The following YPEL2 variants were observed in gnomAD, a reference collection of about 807,000 sequenced individuals.
The protein encoded by YPEL2 is protein yippee-like 2.
A neutral mutation model predicts 19.1 loss-of-function variants in YPEL2; 2 were observed. The observed-to-expected ratio is 0.10, with a 90% CI of 0.04 to 0.33. The LOEUF (loss-of-function observed/expected upper bound fraction) is 0.33, where lower values mean the gene tolerates loss of function less well. Among genes scored for constraint, YPEL2 ranks in the 10% least tolerant of loss-of-function variants. YPEL2 has a pLI of 1.00. For synonymous variants in YPEL2, 52 were observed against 50.0 expected (o/e 1.04, Z -0.17); for missense variants, 66 against 140.7 (o/e 0.47, Z 2.68).
chr17:59,384,341 T>G (rs1331209694), intron 2 of YPEL2, among the ~76,000 whole-genome samples: 1 of 152,240 alleles, frequency 6.6e-6, no homozygotes. Context: ...ACAAGTTGTC[T>G]CTGTAGCATA....
chr17:59,392,299 A>G (rs192810041), intron 4 of YPEL2, among the ~76,000 whole-genome samples: 3 of 152,302 alleles, frequency 2.0e-5, no homozygotes, highest in Admixed American at 2.0e-4. Context: ...AAGGTTTATC[A>G]AAAGCCTTTG....
intron 1 of YPEL2, among the ~76,000 whole-genome samples, chr17:59,335,998 C>T (rs1421091349): frequency 1.3e-5 from 2 of 152,112 alleles, no homozygotes; most frequent in Non-Finnish European, 1.5e-5. Context: ...ACTTTAATAC[C>T]GTCTGGAAAT....
chr17:59,377,927 A>G (rs1263578484), intron 2 of YPEL2, among the ~76,000 whole-genome samples: 1 of 152,198 alleles, frequency 6.6e-6, no homozygotes, highest in Non-Finnish European at 1.5e-5. Flanking sequence ...CACATTTGGT[A>G]CTTACTATAC....
intron 2 of YPEL2, among the ~76,000 whole-genome samples, chr17:59,369,498 ACACT>A (rs1278301098): frequency 2.0e-5 from 3 of 152,128 alleles, no homozygotes; most frequent in Non-Finnish European, 2.9e-5. Flanking sequence ...ATTTAAGGAG[ACACT>A]CACTCTCAGA....
At chr17:59,377,355 A>G (rs1215297809) in intron 2 of YPEL2, among the ~76,000 whole-genome samples, 3 of 152,212 alleles carry the variant, frequency 2.0e-5, no homozygotes, top group Non-Finnish European at 1.5e-5. Context: ...GTTCTGGCTT[A>G]TATTTGAACT....
chr17:59,371,039 G>T (rs1228019195), intron 2 of YPEL2, among the ~76,000 whole-genome samples: 2 of 152,098 alleles, frequency 1.3e-5, no homozygotes, highest in African/African-American at 4.8e-5. Context: ...GCCCCCAGCC[G>T]AGGGAGTTAG....
At chr17:59,388,936 AT>A (rs2047994458) in intron 3 of YPEL2, 1 of 208,438 alleles carries the variant, frequency 4.8e-6, no homozygotes, top group Admixed American at 5.1e-5. Flanking sequence ...GCACCCAGGG[AT>A]CACTCATTCC....
intron 2 of YPEL2, among the ~76,000 whole-genome samples, chr17:59,386,566 G>A (rs894245690): frequency 7.2e-5 from 11 of 152,150 alleles, no homozygotes; most frequent in Admixed American, 7.2e-4. Flanking sequence ...CTGGAGTGAA[G>A]GACATAATGG....
intron 1 of YPEL2, among the ~76,000 whole-genome samples, chr17:59,336,797 A>G (rs1274321988): frequency 6.6e-6 from 1 of 152,124 alleles, no homozygotes; most frequent in African/African-American, 2.4e-5. Context: ...TAATATAAGT[A>G]AGTAAAGACT....
At chr17:59,343,590 AG>A (rs139185584) in intron 1 of YPEL2, among the ~76,000 whole-genome samples, 6,713 of 152,126 alleles carry the variant, frequency 0.044, 515 homozygotes, top group African/African-American at 0.15. Context: ...TAGGCAGAGA[AG>A]GGTAGGGTAA....
At chr17:59,374,396 T>A (rs1198171273) in intron 2 of YPEL2, among the ~76,000 whole-genome samples, 2 of 152,210 alleles carry the variant, frequency 1.3e-5, no homozygotes, top group Non-Finnish European at 2.9e-5. Context: ...CAAGTAACAC[T>A]GTCTCTTCCT....
chr17:59,335,956 CTT>C (rs1370494527), intron 1 of YPEL2, among the ~76,000 whole-genome samples: 1 of 152,164 alleles, frequency 6.6e-6, no homozygotes, highest in East Asian at 1.9e-4. Flanking sequence ...CTCAGCCTCT[CTT>C]AATCCCCTTA....
intron 2 of YPEL2, among the ~76,000 whole-genome samples, chr17:59,365,179 G>A (rs2047862159): frequency 6.6e-6 from 1 of 152,322 alleles, no homozygotes; most frequent in South Asian, 2.1e-4. Context: ...CTTGCTTGTT[G>A]CCCTTGTTTT....
chr17:59,335,511 G>A (rs915974118), intron 1 of YPEL2, among the ~76,000 whole-genome samples: 1 of 151,976 alleles, frequency 6.6e-6, no homozygotes, highest in Non-Finnish European at 1.5e-5. Context: ...TTGTCATAGG[G>A]CTTTTCTACT....
At chr17:59,358,687 G>A (rs371625017) in intron 2 of YPEL2, among the ~76,000 whole-genome samples, 25 of 152,018 alleles carry the variant, frequency 1.6e-4, no homozygotes, top group East Asian at 3.9e-4. Flanking sequence ...TTGACTTACC[G>A]CAACCTCTGC....
At chr17:59,389,316 C>T (rs1294661950) in intron 3 of YPEL2, 44 bp from the exon 4 acceptor site, 26 of 1,532,870 alleles carry the variant, frequency 1.7e-5, no homozygotes, top group Middle Eastern at 3.6e-4. Context: ...GCCTGATGTG[C>T]GTGTCACTAA....
At position 59,397,245 on chromosome 17, in the gene YPEL2, T is replaced by A. The variant is rs2048044336; in HGVS notation, c.*55T>A. On this transcript the variant is annotated 3_prime_UTR_variant, in exon 5 of 5. Transcript: ENST00000312655. ...ACGTGAACGCCATTCAACCGAACAT[T>A]CTTCCCAAGCGTGAGAGAGTGACTG... 2 of 1,410,192 alleles carry A rather than the reference T, an allele frequency of 1.4e-6. No individual in the cohort carries two copies. Among genetic ancestry groups the A allele is most frequent in the Non-Finnish European group, 1.9e-6 (2 of 1,033,948 alleles). The allele number at this position is 1,410,192 out of a possible 1,614,324, so 87.4% of individuals were successfully genotyped here. A position where few individuals can be genotyped will look rare whatever the true frequency, so the allele number is the denominator to read the frequency against.
intron 2 of YPEL2, among the ~76,000 whole-genome samples, chr17:59,364,778 C>CTATT (rs895269336): frequency 1.3e-5 from 2 of 152,158 alleles, no homozygotes; most frequent in African/African-American, 2.4e-5. Flanking sequence ...ACCACATCGG[C>CTATT]TATTTATTTA....
At chr17:59,384,942 C>T (rs1269428370) in intron 2 of YPEL2, among the ~76,000 whole-genome samples, 1 of 152,202 alleles carries the variant, frequency 6.6e-6, no homozygotes, top group Non-Finnish European at 1.5e-5. Context: ...TTCCCAGTAG[C>T]CACCTTCTTC....
Sources: gnomAD v4.1 joint callset for allele counts (sites outside exome capture counted in the v4.1 genomes callset) on GRCh38, gnomAD v4.1.1 for gene constraint, MANE v1.5 for transcripts, NCBI Gene and HGNC (gene_info 2026-07-23, HGNC 2026-07-21) for gene names.